The following ASTN2 variants were observed in gnomAD, a reference collection of about 807,000 sequenced individuals.
ASTN2 encodes astrotactin-2.
A neutral mutation model predicts 139.8 loss-of-function variants in ASTN2; 54 were observed. The observed-to-expected ratio is 0.39, with a 90% CI of 0.31 to 0.48. ASTN2 has a LOEUF of 0.48. ASTN2 is among the 20% of genes least tolerant of loss of function. ASTN2 has a pLI of 0.95. For missense variants in ASTN2, 1,565 were observed against 1,725.1 expected, an observed-to-expected ratio of 0.91 and a Z score of 1.64; for synonymous variants, 756 against 719.5, an observed-to-expected ratio of 1.05 and a Z score of -0.81.
chr9:116,593,631 A>G (rs1368428636), intron 19 of ASTN2, among the ~76,000 whole-genome samples: 6 of 152,220 alleles, frequency 3.9e-5, no homozygotes, highest in African/African-American at 7.2e-5. Flanking sequence ...TCTAATCACA[A>G]CTTAGCCCCA....
intron 4 of ASTN2, among the ~76,000 whole-genome samples, chr9:117,125,791 GGATA>G (rs1829671353): frequency 6.6e-6 from 1 of 151,280 alleles, no homozygotes; most frequent in Non-Finnish European, 1.5e-5. Context: ...GCTGTTAAAA[GGATA>G]TAAATGTGTC....
At chr9:117,177,386 A>C (rs556763937) in intron 3 of ASTN2, among the ~76,000 whole-genome samples, 2 of 152,212 alleles carry the variant, frequency 1.3e-5, no homozygotes, top group Non-Finnish European at 2.9e-5. Flanking sequence ...AACCTGGAAC[A>C]GAATGCATTC....
chr9:116,855,974 C>G (rs998752798), intron 11 of ASTN2, among the ~76,000 whole-genome samples: 1 of 152,032 alleles, frequency 6.6e-6, no homozygotes, highest in Non-Finnish European at 1.5e-5. Flanking sequence ...CCTAGTATTA[C>G]TGATCAAGGT....
rs192758272 is a variant in ASTN2 at position 116,536,043 on chromosome 9, C to T, written c.3356-48543G>A. ...CACATAGTCCCATATTTCTTGGAGG[C>T]TTTGTTTGTTTCTTTTTATTCTCTT... On this transcript the variant is annotated intron_variant, in intron 19 of 22. Transcript: ENST00000313400. 7.4e-3 allele frequency among the ~76,000 whole-genome samples: 1,129 copies of T among 152,112 alleles called. 27 individuals carry two copies. Among genetic ancestry groups the T allele is most frequent in the Admixed American group, 0.041 (623 of 15,284 alleles).
At chr9:116,662,616 T>C (rs768617494) in intron 16 of ASTN2, among the ~76,000 whole-genome samples, 27 of 152,142 alleles carry the variant, frequency 1.8e-4, no homozygotes, top group Non-Finnish European at 3.7e-4. Flanking sequence ...AGACACTTAA[T>C]AGCCACCCAA....
chr9:116,899,903 G>A (rs745695135), intron 10 of ASTN2, among the ~76,000 whole-genome samples: 22 of 152,146 alleles, frequency 1.4e-4, no homozygotes, highest in Non-Finnish European at 2.5e-4. Flanking sequence ...AAGCAGACCC[G>A]TAAAAGTGGC....
chr9:116,753,806 A>G (rs919827126), intron 13 of ASTN2, among the ~76,000 whole-genome samples: 9 of 147,874 alleles, frequency 6.1e-5, no homozygotes, highest in Non-Finnish European at 8.8e-5. Flanking sequence ...TTTTATTATT[A>G]TACTTTAAGT....
chr9:116,470,033 G>A (rs558148900), intron 20 of ASTN2, among the ~76,000 whole-genome samples: 47 of 151,776 alleles, frequency 3.1e-4, no homozygotes, highest in Admixed American at 6.6e-4. Context: ...GGCAAAACCC[G>A]CCTCTACTAA....
chr9:117,343,358 G>A (rs1157464912), intron 1 of ASTN2, among the ~76,000 whole-genome samples: 2 of 152,136 alleles, frequency 1.3e-5, no homozygotes, highest in Admixed American at 6.5e-5. Context: ...TACTCATGCT[G>A]AAGAATCAAT....
chr9:117,121,898 T>A (rs1420248672), intron 4 of ASTN2, among the ~76,000 whole-genome samples: 1 of 152,170 alleles, frequency 6.6e-6, no homozygotes, highest in Non-Finnish European at 1.5e-5. Flanking sequence ...GAACTCCTGA[T>A]AACTCACTCA....
chr9:117,344,186 A>G (rs563473234), intron 1 of ASTN2, among the ~76,000 whole-genome samples: 77 of 73,306 alleles, frequency 1.1e-3, no homozygotes, highest in African/African-American at 2.6e-3. Context: ...GCACGTGGAG[A>G]AAAAAAAACC....
chr9:117,251,945 AT>A (rs1833549855), intron 2 of ASTN2, among the ~76,000 whole-genome samples: 1 of 152,224 alleles, frequency 6.6e-6, no homozygotes, highest in South Asian at 2.1e-4. Context: ...GGAAAAACAC[AT>A]CTCCAAGGAG....
At position 116,484,224 on chromosome 9, in the gene ASTN2, T is replaced by A. The variant is rs144847299; in HGVS notation, c.3497+3135A>T. Among the ~76,000 whole-genome samples, 34 of 152,302 alleles carry A rather than the reference T, an allele frequency of 2.2e-4. No homozygotes were observed. In the East Asian group the frequency reaches 6.4e-3, roughly 29 times the overall value. ...TGGCTAACACGTCCTGCAGGCTGCC[T>A]ATATGCCAATAATTCAGGTAAGCCT... On this transcript the variant is annotated intron_variant, in intron 20 of 22. Coordinates refer to ENST00000313400, the MANE Select transcript of ASTN2 (RefSeq NM_001365068.1).
At chr9:116,659,213 A>G (rs951527018) in intron 16 of ASTN2, among the ~76,000 whole-genome samples, 48 of 152,330 alleles carry the variant, frequency 3.2e-4, no homozygotes, top group African/African-American at 1.1e-3. Context: ...AATTAAATGA[A>G]TATATTTCTC....
chr9:117,205,399 T>C (rs1831883767), intron 3 of ASTN2, among the ~76,000 whole-genome samples: 2 of 152,214 alleles, frequency 1.3e-5, no homozygotes, highest in Non-Finnish European at 2.9e-5. Context: ...TATCTAATCC[T>C]CCCATTAACC....
intron 1 of ASTN2, among the ~76,000 whole-genome samples, chr9:117,412,344 C>T (rs1433012872): frequency 6.6e-6 from 1 of 152,118 alleles, no homozygotes; most frequent in Non-Finnish European, 1.5e-5. Flanking sequence ...AGCTGCCAGG[C>T]TCAGGGACCG....
chr9:116,843,527 C>T (rs12115221), intron 11 of ASTN2, among the ~76,000 whole-genome samples: 37,692 of 151,558 alleles, frequency 0.25, 4,827 homozygotes, highest in Middle Eastern at 0.39. Context: ...GGGGTGGTGG[C>T]GGGCACCTGT....
intron 1 of ASTN2, among the ~76,000 whole-genome samples, chr9:117,347,039 G>C (rs1048175884): frequency 6.6e-6 from 1 of 152,104 alleles, no homozygotes; most frequent in African/African-American, 2.4e-5. Flanking sequence ...GCATCCTGCT[G>C]CTTCTGCGGT....
intron 20 of ASTN2, among the ~76,000 whole-genome samples, chr9:116,479,525 G>A (rs1849098931): frequency 6.6e-6 from 1 of 152,130 alleles, no homozygotes; most frequent in South Asian, 2.1e-4. Flanking sequence ...GGACTTGCTT[G>A]CTGAGACACA....
Sources: allele counts gnomAD v4.1 joint callset (sites outside exome capture counted in the v4.1 genomes callset), GRCh38; gene constraint gnomAD v4.1.1; transcripts MANE v1.5; gene names NCBI Gene and HGNC (gene_info 2026-07-23, HGNC 2026-07-21).